GPHN: variants seen among roughly 807,000 people sequenced by gnomAD.
GPHN encodes gephyrin.
In GPHN, 17 loss-of-function variants were observed where a neutral mutation model predicts 95.5. That is an observed-to-expected ratio of 0.18 (90% CI 0.12 to 0.27). The LOEUF (loss-of-function observed/expected upper bound fraction) is 0.27, where lower values mean the gene tolerates loss of function less well. Among genes scored for constraint, GPHN ranks in the 10% least tolerant of loss-of-function variants. The pLI is 1.00. For synonymous variants in GPHN, 320 were observed against 322.5 expected (o/e 0.99, Z 0.08); for missense variants, 660 against 978.1 (o/e 0.67, Z 4.34).
the GPHN span, chr14:67,381,441 C>T: frequency 1.9e-6 from 1 of 526,904 alleles, no homozygotes. Flanking sequence ...CTCCTCCTTG[C>T]CTCCCTTTTA....
chr14:66,982,288 C>G (rs2070731080), intron 9 of GPHN, among the ~76,000 whole-genome samples: 1 of 152,012 alleles, frequency 6.6e-6, no homozygotes, highest in Non-Finnish European at 1.5e-5. Context: ...AGGGAATCAA[C>G]ATCACATATT....
At chr14:66,781,509 C>T (rs1023137767) in intron 3 of GPHN, among the ~76,000 whole-genome samples, 4 of 152,112 alleles carry the variant, frequency 2.6e-5, no homozygotes, top group Admixed American at 1.3e-4. Flanking sequence ...TGAGCCACCG[C>T]GCCCAGCCTA....
chr14:67,193,599 C>A, the GPHN span, among the ~76,000 whole-genome samples: 27 of 142,052 alleles, frequency 1.9e-4, no homozygotes, highest in East Asian at 4.1e-4. Context: ...AGATATATAT[C>A]TATAGATATA....
the GPHN span, chr14:67,227,408 G>T: frequency 6.8e-6 from 1 of 147,974 alleles, no homozygotes; most frequent in African/African-American, 2.5e-5. Context: ...CCACTGTACT[G>T]TAGCCGGGGC....
chr14:66,549,654 A>G (rs558438735), intron 1 of GPHN, among the ~76,000 whole-genome samples: 93 of 152,356 alleles, frequency 6.1e-4, no homozygotes, highest in African/African-American at 2.1e-3. Context: ...CAGATTTTCA[A>G]TATAGATGAA....
chr14:67,722,746 C>A, the GPHN span: 1 of 1,532,642 alleles, frequency 6.5e-7, no homozygotes, highest in Non-Finnish European at 9.0e-7. Context: ...CAATCGTTTA[C>A]AAAGACCTGC....
chr14:67,437,621 G>C, the GPHN span, among the ~76,000 whole-genome samples: 9 of 152,192 alleles, frequency 5.9e-5, no homozygotes, highest in African/African-American at 2.2e-4. Context: ...TAGCATCCAG[G>C]GGGAAGAGGA....
the GPHN span, chr14:67,294,511 A>G: frequency 1.3e-5 from 2 of 152,190 alleles, no homozygotes; most frequent in Non-Finnish European, 2.9e-5. Flanking sequence ...TTAGTGAAAC[A>G]TTCAGAAGTA....
At chr14:67,121,068 G>C (rs1218588038) in intron 16 of GPHN, among the ~76,000 whole-genome samples, 1 of 152,036 alleles carries the variant, frequency 6.6e-6, no homozygotes, top group Non-Finnish European at 1.5e-5. Flanking sequence ...TCTGGTGTTG[G>C]CCATATTAGT....
chr14:67,224,082 A>C, the GPHN span: 2 of 810,012 alleles, frequency 2.5e-6, no homozygotes, highest in Non-Finnish European at 3.0e-6. Flanking sequence ...CATGATCTCA[A>C]ATTCATCTCT....
At chr14:67,322,095 G>C in the GPHN span, among the ~76,000 whole-genome samples, 1 of 152,076 alleles carries the variant, frequency 6.6e-6, no homozygotes, top group Non-Finnish European at 1.5e-5. Context: ...TATTTAAAAT[G>C]ATAATTTTAG....
At chr14:67,431,123 G>A in the GPHN span, among the ~76,000 whole-genome samples, 1 of 152,068 alleles carries the variant, frequency 6.6e-6, no homozygotes, top group South Asian at 2.1e-4. Context: ...GGCTGGGCGT[G>A]GTGGCTCACG....
intron 20 of GPHN, among the ~76,000 whole-genome samples, chr14:67,166,453 A>G (rs754995986): frequency 6.6e-6 from 1 of 152,196 alleles, no homozygotes; most frequent in Non-Finnish European, 1.5e-5. Flanking sequence ...CTATTTCACC[A>G]TTATGCCAAA....
chr14:66,667,157 A>G (rs916565663), intron 1 of GPHN, among the ~76,000 whole-genome samples: 2 of 152,242 alleles, frequency 1.3e-5, no homozygotes, highest in African/African-American at 4.8e-5. Context: ...AAATGGAGAA[A>G]CATTCCATGC....
the GPHN span, among the ~76,000 whole-genome samples, chr14:67,665,911 T>C: frequency 1.1e-3 from 161 of 152,320 alleles, 3 homozygotes; most frequent in South Asian, 0.031. Flanking sequence ...CTTGACCATC[T>C]ATGATGTAAC....
At chr14:66,692,824 C>T (rs911243367) in intron 2 of GPHN, among the ~76,000 whole-genome samples, 2 of 151,914 alleles carry the variant, frequency 1.3e-5, no homozygotes, top group African/African-American at 4.8e-5. Context: ...AAGGAAGTAA[C>T]CCTGAACTGA....
At chr14:67,054,183 G>A (rs1012744149) in intron 10 of GPHN, among the ~76,000 whole-genome samples, 3 of 152,206 alleles carry the variant, frequency 2.0e-5, no homozygotes, top group Non-Finnish European at 4.4e-5. Flanking sequence ...TCTGTTTGCA[G>A]ATGACATACT....
intron 11 of GPHN, among the ~76,000 whole-genome samples, chr14:67,071,859 A>G (rs924262510): frequency 1.7e-4 from 26 of 152,064 alleles, no homozygotes; most frequent in African/African-American, 5.3e-4. Flanking sequence ...CACATTACAA[A>G]TATATCTCTT....
the GPHN span, chr14:67,449,857 G>A: frequency 0.02 from 3,008 of 152,374 alleles, 177 homozygotes; most frequent in South Asian, 0.12. Flanking sequence ...CAGCACTTTG[G>A]GAGGCAGGCA....
Sources: gnomAD v4.1 joint callset for allele counts (sites outside exome capture counted in the v4.1 genomes callset) on GRCh38, gnomAD v4.1.1 for gene constraint, MANE v1.5 for transcripts, NCBI Gene and HGNC (gene_info 2026-07-23, HGNC 2026-07-21) for gene names.